SYPL1: variants seen among roughly 807,000 people sequenced by gnomAD.
The protein encoded by SYPL1 is synaptophysin like 1.
In SYPL1, 6 loss-of-function variants were observed where a neutral mutation model predicts 23.7. The observed-to-expected ratio is 0.25, with a 90% CI of 0.14 to 0.50. The LOEUF is 0.50. Ranked by LOEUF, SYPL1 falls within the 20% of genes least tolerant of loss-of-function variation. The pLI, the probability that SYPL1 is intolerant of heterozygous loss-of-function variation, is 0.98. For missense variants in SYPL1, 253 were observed against 288.9 expected, an observed-to-expected ratio of 0.88 and a Z score of 0.90; for synonymous variants, 102 against 104.5, an observed-to-expected ratio of 0.98 and a Z score of 0.15.
chr7:106,108,963 G>A (rs545871817), intron 1 of SYPL1, among the ~76,000 whole-genome samples: 6 of 152,230 alleles, frequency 3.9e-5, no homozygotes, highest in South Asian at 4.1e-4. Context: ...GAAAACTGCC[G>A]GGTTTAATAA....
Position 106,097,466 on chromosome 7 carries a change from C to T in SYPL1, c.402+224G>A, listed in dbSNP as rs1008850589. ...GCTTTATTACATATCTGAGTTTTTT[C>T]CAAGTTAAAATAGATTTAAAAAAGA... On this transcript the variant is annotated intron_variant, in intron 3 of 4. Transcript: ENST00000455385. This position sits in a 1 kb window ranked among gnomAD's most constrained non-coding sequence, Gnocchi z 4.6. Among the ~76,000 whole-genome samples, 1 of 151,768 alleles carries T rather than the reference C, an allele frequency of 6.6e-6. No homozygotes were observed. Among genetic ancestry groups the T allele is most frequent in the Non-Finnish European group, 1.5e-5 (1 of 67,966 alleles).
Position 106,095,325 on chromosome 7 carries a change from A to C in SYPL1, c.403-2188T>G, listed in dbSNP as rs1332781036. ...TAATGTCATATTTGGCTATATCTTAAATTTTGGGTATCTCAAAAAAAACCT... is the reference window on the plus strand; with the variant it reads ...TAATGTCATATTTGGCTATATCTTACATTTTGGGTATCTCAAAAAAAACCT... On this transcript the variant is annotated intron_variant, in intron 3 of 4. Coordinates refer to ENST00000455385, the MANE Select transcript of SYPL1 (RefSeq NM_182715.4). The surrounding 1 kb of genome is among the most constrained non-coding windows in gnomAD (Gnocchi z 4.3). 6.6e-6 allele frequency among the ~76,000 whole-genome samples: 1 copy of C among 152,066 alleles called. No individual in the cohort carries two copies. The highest frequency in any genetic ancestry group is 1.9e-4 in the East Asian group (1 of 5,180).
rs146250544 is a variant in SYPL1, at chr7:106,111,696, G to A, written c.69+444C>T. Reference sequence around the variant, plus strand: ...AAATCACGTCTACAAGACAAAATCGGCTTCCCAGGGAGCTAGACCTCGAGT... The same window carrying A: ...AAATCACGTCTACAAGACAAAATCGACTTCCCAGGGAGCTAGACCTCGAGT... On this transcript the variant is annotated intron_variant, in intron 1 of 4. Coordinates refer to ENST00000455385, the MANE Select transcript of SYPL1 (RefSeq NM_182715.4). The A allele has an allele frequency of 3.7e-3, 573 of 152,854 alleles. 6 individuals are homozygous for A. The highest frequency in any genetic ancestry group is 0.014 in the South Asian group (70 of 4,840). 9.5% of individuals were successfully genotyped at this position (152,854 alleles called of 1,614,324 possible). A position where few individuals can be genotyped will look rare whatever the true frequency, so the allele number is the denominator to read the frequency against.
intron 2 of SYPL1, 118 bp from the exon 3 acceptor site, chr7:106,098,015 G>A (rs538530449): frequency 1.6e-5 from 13 of 813,662 alleles, no homozygotes; most frequent in South Asian, 8.5e-5. Context: ...CATTCCTTTG[G>A]GGAAAAAAGT....
At chr7:106,099,563 C>T (rs59216) in intron 1 of SYPL1, among the ~76,000 whole-genome samples, 149,528 of 152,024 alleles carry the variant, frequency 0.98, 73,537 homozygotes, top group East Asian at 1. Context: ...GCTAATTTTT[C>T]TTTGAATTTT....
intron 2 of SYPL1, among the ~76,000 whole-genome samples, 188 bp from the exon 3 acceptor site, chr7:106,098,085 C>A (rs1840120960): frequency 6.6e-6 from 1 of 151,982 alleles, no homozygotes; most frequent in Non-Finnish European, 1.5e-5. Flanking sequence ...ATATGTTATA[C>A]CTGGTATTAG....
chr7:106,112,254 GA>G lies in SYPL1; in HGVS notation c.-47del. ...AGAGAGTCAGGACGACGGGGCGGAG[GA>G]GGGGACCGACGAGACCAGAGCAGCC... is the stretch of plus-strand genomic sequence containing the variant. On this transcript the variant is annotated 5_prime_UTR_variant, in exon 1 of 5. Transcript: ENST00000455385. 1 of 1,514,504 alleles carries G rather than the reference GA, an allele frequency of 6.6e-7. No individual in the cohort carries two copies. The highest frequency in any genetic ancestry group is 8.9e-7 in the Non-Finnish European group (1 of 1,121,268). The allele number at this position is 1,514,504 out of a possible 1,614,324, so 93.8% of individuals were successfully genotyped here. A position where few individuals can be genotyped will look rare whatever the true frequency, so the allele number is the denominator to read the frequency against.
rs74598462 is a variant in SYPL1 at position 106,099,321 on chromosome 7, A to C, written c.70-39T>G. The stretch of plus-strand genomic sequence containing the variant: ...GATGAAAAAAGACAAAAGAAAAAAA[A>C]GATAAGCAATACTACAACCAAAACA... On this transcript the variant is annotated intron_variant, in intron 1 of 4. Coordinates refer to ENST00000455385, the MANE Select transcript of SYPL1 (RefSeq NM_182715.4). 2.7e-3 allele frequency: 4,271 copies of C among 1,587,844 alleles called. 89 individuals carry two copies. In the African/African-American group the frequency reaches 0.053, roughly 20 times the overall value.
chr7:106,109,873 C>T lies in SYPL1; in HGVS notation c.69+2267G>A, dbSNP rs1203070220. On this transcript the variant is annotated intron_variant, in intron 1 of 4. Coordinates refer to ENST00000455385, the MANE Select transcript of SYPL1 (RefSeq NM_182715.4). This position sits in a 1 kb window ranked among gnomAD's most constrained non-coding sequence, Gnocchi z 4.3. ...TTCCTCAATCAACAGATTTCCCTTC[C>T]TCCAATTCTAGCCTTTCCAATTCAT... Among the ~76,000 whole-genome samples the T allele has an allele frequency of 6.6e-6, 1 of 152,160 alleles. No homozygotes were observed. Among genetic ancestry groups the T allele is most frequent in the Non-Finnish European group, 1.5e-5 (1 of 68,032 alleles).
intron 1 of SYPL1, among the ~76,000 whole-genome samples, chr7:106,105,276 G>C (rs940475881): frequency 6.6e-6 from 1 of 151,806 alleles, no homozygotes; most frequent in Non-Finnish European, 1.5e-5. Flanking sequence ...AAATGAAGGA[G>C]TACTGGTGTT....
rs754810693 is a variant in SYPL1 at position 106,093,828 on chromosome 7, A to G, written c.403-691T>C. On this transcript the variant is annotated intron_variant, in intron 3 of 4. Coordinates refer to ENST00000455385, the MANE Select transcript of SYPL1 (RefSeq NM_182715.4). The stretch of plus-strand genomic sequence containing the variant: ...AAATTTCCTAACCACAAATTTTAAG[A>G]ATGCTCACTATATTAAGAAAAAGGC... 5.0e-4 allele frequency among the ~76,000 whole-genome samples: 35 copies of G among 70,346 alleles called. 13 individuals carry two copies. Among genetic ancestry groups the G allele is most frequent in the Non-Finnish European group, 1.4e-3 (30 of 21,782 alleles). 46.1% of individuals were successfully genotyped at this position (70,346 alleles called of 152,430 possible).
intron 2 of SYPL1, among the ~76,000 whole-genome samples, chr7:106,098,600 G>C (rs879875127): frequency 6.6e-6 from 1 of 152,132 alleles, no homozygotes; most frequent in Non-Finnish European, 1.5e-5. Flanking sequence ...CTTAAACACA[G>C]GACATATTCA....
intron 2 of SYPL1, among the ~76,000 whole-genome samples, chr7:106,098,193 G>A (rs1206043458): frequency 4.6e-5 from 7 of 152,104 alleles, no homozygotes; most frequent in African/African-American, 7.2e-5. Flanking sequence ...ATACCAAATG[G>A]TTTATACTTT....
chr7:106,108,247 TCTA>T (rs1281072239), intron 1 of SYPL1, among the ~76,000 whole-genome samples: 1 of 152,206 alleles, frequency 6.6e-6, no homozygotes, highest in African/African-American at 2.4e-5. Flanking sequence ...TTCTAATTGC[TCTA>T]CTATTTTCAT....
intron 1 of SYPL1, among the ~76,000 whole-genome samples, chr7:106,101,477 A>G (rs1364446130): frequency 1.6e-5 from 2 of 126,360 alleles, no homozygotes; most frequent in Non-Finnish European, 3.2e-5. Context: ...CACAAAAAAG[A>G]TACATGAAAA....
intron 2 of SYPL1, among the ~76,000 whole-genome samples, chr7:106,098,275 T>G (rs1177004071): frequency 6.6e-6 from 1 of 152,222 alleles, no homozygotes; most frequent in Admixed American, 6.5e-5. Flanking sequence ...ACAACAATGA[T>G]TCACATTTTT....
rs776591641 is a variant in SYPL1 at position 106,093,109 on chromosome 7, A to G, written c.431T>C (p.Phe144Ser). Residue 144 changes from phenylalanine to serine, a missense_variant, in exon 4 of 5, where the codon TTT becomes TCT. Coordinates refer to ENST00000455385, the MANE Select transcript of SYPL1 (RefSeq NM_182715.4). ...IDFVVTLVATFLWLVSTSAWA... is the reference protein window; with the variant it reads ...IDFVVTLVATSLWLVSTSAWA... ...GGCTGAAGTGCTCACCAACCACAAAAAAGTGGCAACAAGTGTAACAACAAA... is the reference window on the plus strand; with the variant it reads ...GGCTGAAGTGCTCACCAACCACAAAGAAGTGGCAACAAGTGTAACAACAAA... 6.2e-7 allele frequency: 1 copy of G among 1,609,470 alleles called. No homozygotes were observed. Among genetic ancestry groups the G allele is most frequent in the Non-Finnish European group, 8.5e-7 (1 of 1,178,474 alleles).
chr7:106,093,124 G>C lies in SYPL1; in HGVS notation c.416C>G (p.Thr139Arg). The change falls in exon 4 of 5, where the codon ACA (threonine) becomes AGA (arginine). Residue 139 changes from threonine to arginine, a missense_variant. Physicochemically the swap from Thr to Arg is moderately conservative, Grantham distance 71. Transcript: ENST00000455385. ...RKLPMIDFVV[T>R]LVATFLWLVS... ...CAACCACAAAAAAGTGGCAACAAGT[G>C]TAACAACAAAGTCCTAAAGCAAAAA... 8 of 1,604,094 alleles carry C rather than the reference G, an allele frequency of 5.0e-6. No individual in the cohort carries two copies. Among genetic ancestry groups the C allele is most frequent in the Non-Finnish European group, 6.8e-6 (8 of 1,176,566 alleles).
At position 106,097,897 on chromosome 7, in the gene SYPL1, C is replaced by T. The variant is rs1563339783; in HGVS notation, c.195G>A (p.Arg65=). ...GTGGCTGAAATGATGCCTCATTCAA[C>T]CTATTAAAATAAATGTATGAATTAT... ...TVTATFGYPF[R]LNEASFQPPP... Residue 65 remains arginine, a splice_region_variant and synonymous_variant, in exon 3 of 5, where the codon AGG becomes AGA. Coordinates refer to ENST00000455385, the MANE Select transcript of SYPL1 (RefSeq NM_182715.4). The surrounding 1 kb of genome is among the most constrained non-coding windows in gnomAD (Gnocchi z 4.6). 6.2e-7 allele frequency: 1 copy of T among 1,609,114 alleles called. No homozygotes were observed. Among genetic ancestry groups the T allele is most frequent in the African/African-American group, 1.3e-5 (1 of 74,988 alleles).
Sources: gnomAD v4.1 joint callset for allele counts (sites outside exome capture counted in the v4.1 genomes callset) on GRCh38, gnomAD v4.1.1 for gene constraint, Gnocchi (gnomAD v3.1) non-coding constraint, MANE v1.5 for transcripts, NCBI Gene and HGNC (gene_info 2026-07-23, HGNC 2026-07-21) for gene names.